The following ANO2 variants were observed in gnomAD, a reference collection of about 807,000 sequenced individuals.
The protein encoded by ANO2 is anoctamin 2.
A neutral mutation model predicts 124.2 loss-of-function variants in ANO2; 101 were observed. That is an observed-to-expected ratio of 0.81 (90% CI 0.69 to 0.96). The LOEUF is 0.96. Among genes scored for constraint, ANO2 ranks in the 40% least tolerant of loss-of-function variants. The probability of loss-of-function intolerance (pLI) is 0.00; values close to 1 mark genes in which losing one functional copy is unlikely to be tolerated. For missense variants in ANO2, 1,293 were observed against 1,274.5 expected, an observed-to-expected ratio of 1.01 and a Z score of -0.22; for synonymous variants, 486 against 482.5, an observed-to-expected ratio of 1.01 and a Z score of -0.09.
intron 3 of ANO2, among the ~76,000 whole-genome samples, chr12:5,914,020 T>G (rs1039197802): frequency 1.3e-5 from 2 of 151,802 alleles, no homozygotes; most frequent in Non-Finnish European, 2.9e-5. Context: ...AGCAACATGG[T>G]GAAACCCTGT....
At chr12:5,679,473 C>G (rs1299793656) in intron 14 of ANO2, among the ~76,000 whole-genome samples, 3 of 152,112 alleles carry the variant, frequency 2.0e-5, no homozygotes, top group African/African-American at 7.2e-5. Context: ...AAAAAGTGGG[C>G]AGAGGACATA....
chr12:5,768,914 G>C (rs1787048155), intron 10 of ANO2, among the ~76,000 whole-genome samples: 3 of 152,132 alleles, frequency 2.0e-5, no homozygotes, highest in Non-Finnish European at 1.5e-5. Context: ...ATCCTCCCAG[G>C]AAGGACAAGA....
At chr12:5,633,475 G>A (rs565999844) in intron 16 of ANO2, among the ~76,000 whole-genome samples, 11 of 152,180 alleles carry the variant, frequency 7.2e-5, no homozygotes, top group African/African-American at 2.7e-4. Flanking sequence ...AGATGGTACT[G>A]TTTATGGCTG....
rs74362600 is a variant in ANO2, at chr12:5,707,707, T to C, written c.1545+24813A>G. ...TTAAACATACCTTCCGAGTTTATCT[T>C]TGAAACATTTCCAACATTTGAAGCC... is the stretch of plus-strand genomic sequence containing the variant. On this transcript the variant is annotated intron_variant, in intron 14 of 24. Coordinates refer to ENST00000682330, the MANE Select transcript of ANO2 (RefSeq NM_001364791.2). Among the ~76,000 whole-genome samples the C allele has an allele frequency of 4.2e-3, 647 of 152,350 alleles. 4 individuals carry two copies. Among genetic ancestry groups the C allele is most frequent in the South Asian group, 6.2e-3 (30 of 4,824 alleles).
chr12:5,576,077 C>G, intron 22 of ANO2, 62 bp from the exon 23 acceptor site: 1 of 1,459,488 alleles, frequency 6.9e-7, no homozygotes, highest in Non-Finnish European at 9.2e-7. Flanking sequence ...ACTGTCCACT[C>G]TTAGGCTCCC....
chr12:5,925,719 G>C lies in ANO2; in HGVS notation c.23-2915C>G, dbSNP rs866419617. On this transcript the variant is annotated intron_variant, in intron 1 of 24. Transcript: ENST00000682330. This position sits in a 1 kb window ranked among gnomAD's most constrained non-coding sequence, Gnocchi z 4.6. ...GGAAAGAATCTTTCCTTCCTTCACC[G>C]TTGCCTTGGCTCTCCTTCCACGCTG... Among the ~76,000 whole-genome samples, 1 of 152,198 alleles carries C rather than the reference G, an allele frequency of 6.6e-6. No individual in the cohort carries two copies. Among genetic ancestry groups the C allele is most frequent in the East Asian group, 1.9e-4 (1 of 5,198 alleles).
At chr12:5,647,137 C>T (rs1386362898) in intron 15 of ANO2, among the ~76,000 whole-genome samples, 1 of 152,206 alleles carries the variant, frequency 6.6e-6, no homozygotes, top group African/African-American at 2.4e-5. Context: ...TCCCCAAGGT[C>T]CTCTAGCTTC....
intron 14 of ANO2, among the ~76,000 whole-genome samples, chr12:5,715,370 A>C (rs1181819509): frequency 2.6e-5 from 4 of 152,218 alleles, no homozygotes; most frequent in African/African-American, 9.6e-5. Flanking sequence ...TTCATTGAAG[A>C]GCTCTTGATC....
At chr12:5,693,935 G>C (rs1289623906) in intron 14 of ANO2, among the ~76,000 whole-genome samples, 1 of 152,120 alleles carries the variant, frequency 6.6e-6, no homozygotes, top group African/African-American at 2.4e-5. Context: ...ACTCTGCTTT[G>C]TTTTCCTTCA....
chr12:5,785,022 T>G (rs1198138300), intron 10 of ANO2, among the ~76,000 whole-genome samples: 2 of 152,282 alleles, frequency 1.3e-5, no homozygotes, highest in Middle Eastern at 3.4e-3. Context: ...TGCAAGAGCA[T>G]AAACAACCTT....
In ANO2 at chr12:5,945,240, G is replaced by GCC. The variant is rs755246418; in HGVS notation, c.-25_-24dup. ...CATGATGTGGACGCAGACCCCGCCG[G>GCC]CCCGCGGCCGCGCGCTTCTGGGCAG... On this transcript the variant is annotated 5_prime_UTR_variant, in exon 1 of 25. Transcript: ENST00000682330. 2.2e-5 allele frequency: 28 copies of GCC among 1,284,560 alleles called. No homozygotes were observed. In the African/African-American group the frequency reaches 4.0e-4, roughly 18 times the overall value. 79.6% of individuals were successfully genotyped at this position (1,284,560 alleles called of 1,614,324 possible).
rs747783573 is a variant in ANO2 at position 5,599,620 on chromosome 12, C to T, written c.2097G>A (p.Lys699=). The T allele has an allele frequency of 1.9e-6, 3 of 1,613,598 alleles. No homozygotes were observed. Among genetic ancestry groups the T allele is most frequent in the Non-Finnish European group, 1.7e-6 (2 of 1,179,798 alleles). ...NIFEIGVPKL[K]KLFRKLKDET... ...CATCTTTCAGCTTTCGAAATAGTTT[C>T]TTTAGCTTCCTGGAAAAGAAATGGA... The change falls in exon 20 of 25, where the codon AAG becomes AAA. Residue 699 remains lysine, a synonymous_variant. Transcript: ENST00000682330.
At chr12:5,640,468 C>T (rs1291102802) in intron 15 of ANO2, among the ~76,000 whole-genome samples, 1 of 152,016 alleles carries the variant, frequency 6.6e-6, no homozygotes, top group Non-Finnish European at 1.5e-5. Flanking sequence ...GAAATTTTTG[C>T]AATCTGCCCA....
intron 3 of ANO2, among the ~76,000 whole-genome samples, chr12:5,902,496 G>A (rs186168823): frequency 1.6e-4 from 24 of 146,562 alleles, no homozygotes; most frequent in Middle Eastern, 3.4e-3. Flanking sequence ...AGGCCAAGGC[G>A]GAGGAAGACT....
At chr12:5,655,957 G>A (rs1243322197) in intron 14 of ANO2, among the ~76,000 whole-genome samples, 2 of 152,226 alleles carry the variant, frequency 1.3e-5, no homozygotes, top group African/African-American at 4.8e-5. Context: ...CTTCTTGACA[G>A]AGAGTTCAAG....
intron 15 of ANO2, among the ~76,000 whole-genome samples, chr12:5,647,335 G>A (rs1375514256): frequency 6.6e-6 from 1 of 152,182 alleles, no homozygotes; most frequent in Non-Finnish European, 1.5e-5. Context: ...AGCAACTACA[G>A]GAAAGCGGAA....
chr12:5,569,338 A>C (rs10774344), intron 23 of ANO2, among the ~76,000 whole-genome samples: 144,326 of 152,228 alleles, frequency 0.95, 68,841 homozygotes, highest in East Asian at 1. Flanking sequence ...AACTGGTCAG[A>C]CTCCTGCAGC....
rs1057350021 is a variant in ANO2 at position 5,908,424 on chromosome 12, G to A, written c.534+12616C>T. 5.3e-5 allele frequency among the ~76,000 whole-genome samples: 8 copies of A among 152,144 alleles called. No homozygotes were observed. Among genetic ancestry groups the A allele is most frequent in the East Asian group, 1.9e-4 (1 of 5,196 alleles). On this transcript the variant is annotated intron_variant, in intron 3 of 24. Transcript: ENST00000682330. The surrounding 1 kb of genome is among the most constrained non-coding windows in gnomAD (Gnocchi z 4.7). ...TGGAAACTCAACAAGGCAGTAATAC[G>A]AACACCAGCAGTCACCCTATCCAAG...
chr12:5,937,473 T>C (rs930924749), intron 1 of ANO2, among the ~76,000 whole-genome samples: 5 of 152,166 alleles, frequency 3.3e-5, no homozygotes, highest in Non-Finnish European at 5.9e-5. Context: ...TCTTATCTGA[T>C]ACACAGTTGC....
Sources: gnomAD v4.1 joint callset for allele counts (sites outside exome capture counted in the v4.1 genomes callset) on GRCh38, gnomAD v4.1.1 for gene constraint, Gnocchi (gnomAD v3.1) non-coding constraint, MANE v1.5 for transcripts, NCBI Gene and HGNC (gene_info 2026-07-23, HGNC 2026-07-21) for gene names.